The following ZMYND11 variants were observed in gnomAD, a reference collection of about 807,000 sequenced individuals.
ZMYND11 encodes zinc finger MYND domain-containing protein 11.
ZMYND11 carries 9 observed loss-of-function variants against 84.9 expected under a neutral mutation model. The ratio of observed to expected loss-of-function variants is 0.11; its 90% CI spans 0.06 to 0.18. The LOEUF (loss-of-function observed/expected upper bound fraction) is 0.18, where lower values mean the gene tolerates loss of function less well. Among genes scored for constraint, ZMYND11 ranks in the 10% least tolerant of loss-of-function variants. ZMYND11 has a pLI of 1.00. For synonymous variants in ZMYND11, 250 were observed against 244.1 expected, an observed-to-expected ratio of 1.02 and a Z score of -0.23; for missense variants, 409 against 761.0, an observed-to-expected ratio of 0.54 and a Z score of 5.44.
rs1953627687 is a variant in ZMYND11, at chr10:252,103, A to G, written c.1687-245A>G. Among the ~76,000 whole-genome samples the G allele has an allele frequency of 6.6e-6, 1 of 152,200 alleles. No homozygotes were observed. Among genetic ancestry groups the G allele is most frequent in the Non-Finnish European group, 1.5e-5 (1 of 68,042 alleles). On this transcript the variant is annotated intron_variant, in intron 14 of 14. Transcript: ENST00000381604. The surrounding 1 kb of genome is among the most constrained non-coding windows in gnomAD (Gnocchi z 4.6). ...AGAAACGGGAATGACTCTCACAGAG[A>G]TGGAAAAAACGGGAGGTGTCAGGTA...
intron 1 of ZMYND11, among the ~76,000 whole-genome samples, chr10:170,932 C>A (rs547144377): frequency 1.3e-5 from 2 of 152,132 alleles, no homozygotes; most frequent in South Asian, 2.1e-4. Context: ...CCAACAATAT[C>A]TTGACTGCCA....
intron 3 of ZMYND11, among the ~76,000 whole-genome samples, chr10:217,582 A>T (rs377161902): frequency 6.6e-5 from 10 of 152,198 alleles, no homozygotes; most frequent in African/African-American, 1.9e-4. Context: ...CTAGCAAAGA[A>T]ATGTGCACAC....
At chr10:184,263 C>T (rs1848474047) in intron 2 of ZMYND11, among the ~76,000 whole-genome samples, 1 of 152,058 alleles carries the variant, frequency 6.6e-6, no homozygotes, top group African/African-American at 2.4e-5. Context: ...CTTAAATATT[C>T]TATATACCAT....
chr10:159,345 G>A (rs1295546411), intron 1 of ZMYND11, among the ~76,000 whole-genome samples: 1 of 152,070 alleles, frequency 6.6e-6, no homozygotes, highest in East Asian at 1.9e-4. Flanking sequence ...GTGACATTTT[G>A]TGTTCCCACC....
At chr10:235,369 TCAAA>T (rs1453297910) in intron 4 of ZMYND11, among the ~76,000 whole-genome samples, 1 of 152,126 alleles carries the variant, frequency 6.6e-6, no homozygotes, top group Non-Finnish European at 1.5e-5. Flanking sequence ...CTGTTAGTTT[TCAAA>T]CAGAGAATTC....
intron 3 of ZMYND11, 57 bp from the exon 4 acceptor site, chr10:221,138 T>TA (rs766895239): frequency 4.8e-5 from 72 of 1,500,342 alleles, no homozygotes; most frequent in Non-Finnish European, 6.3e-5. Flanking sequence ...ATTTTGTTCT[T>TA]AGTCATTGCA....
chr10:179,160 A>G (rs1180828118), intron 1 of ZMYND11, among the ~76,000 whole-genome samples: 1 of 152,180 alleles, frequency 6.6e-6, no homozygotes, highest in African/African-American at 2.4e-5. Context: ...AACGCTTACC[A>G]GATTCCTACA....
chr10:249,213 G>A (rs1952817123), intron 14 of ZMYND11, 125 bp downstream of exon 14: 1 of 1,511,216 alleles, frequency 6.6e-7, no homozygotes, highest in Non-Finnish European at 8.8e-7. Flanking sequence ...AATGTGAAAT[G>A]GTCAGCTTTA....
chr10:239,848 C>T, intron 7 of ZMYND11: 1 of 558,374 alleles, frequency 1.8e-6, no homozygotes, highest in Non-Finnish European at 3.1e-6. Context: ...AAGGTAAGGT[C>T]ATTCTCTATA....
chr10:149,387 T>G (rs1274753625), intron 1 of ZMYND11, among the ~76,000 whole-genome samples: 1 of 151,586 alleles, frequency 6.6e-6, no homozygotes, highest in Non-Finnish European at 1.5e-5. Context: ...CTTGGCTCAC[T>G]GCAAGCTCCG....
rs376931420 is a variant in ZMYND11, at chr10:158,984, G to GTTTTTTTTTTTTTTTTTT, written c.-19-21004_-19-21003insTTTTTTTTTTTTTTTTTT. On this transcript the variant is annotated intron_variant, in intron 1 of 14. Transcript: ENST00000381604. ...AGATATATGATTTGCAGGGTTTTTTGTTTTTTGTTTTTTTTTTTTTTTTTA... is the reference window on the plus strand; with the variant it reads ...AGATATATGATTTGCAGGGTTTTTTGTTTTTTTTTTTTTTTTTTTTTTTTGTTTTTTTTTTTTTTTTTA... Among the ~76,000 whole-genome samples the GTTTTTTTTTTTTTTTTTT allele has an allele frequency of 5.0e-5, 2 of 40,024 alleles. 1 individual carries two copies. 26.3% of individuals were successfully genotyped at this position (40,024 alleles called of 152,430 possible). A position where few individuals can be genotyped will look rare whatever the true frequency, so the allele number is the denominator to read the frequency against.
intron 2 of ZMYND11, among the ~76,000 whole-genome samples, chr10:187,954 A>G (rs537803606): frequency 4.6e-5 from 7 of 152,296 alleles, no homozygotes; most frequent in Non-Finnish European, 7.3e-5. Flanking sequence ...AATGGAAACA[A>G]ATTAGTCATT....
intron 2 of ZMYND11, among the ~76,000 whole-genome samples, chr10:180,417 T>C (rs991732711): frequency 1.3e-5 from 2 of 152,236 alleles, no homozygotes; most frequent in Non-Finnish European, 2.9e-5. Context: ...TTATTTATTT[T>C]GAGACGGAGT....
chr10:153,915 A>G (rs891487154), intron 1 of ZMYND11, among the ~76,000 whole-genome samples: 13 of 152,182 alleles, frequency 8.5e-5, no homozygotes, highest in African/African-American at 2.7e-4. Context: ...CTTGCCTTCA[A>G]ATTTAACGGT....
intron 4 of ZMYND11, 50 bp downstream of exon 4, chr10:221,406 C>G: frequency 6.4e-7 from 1 of 1,565,010 alleles, no homozygotes; most frequent in African/African-American, 1.4e-5. Context: ...GGAATTAATT[C>G]ATAATAGCTT....
chr10:243,495 C>T (rs1391131297), intron 10 of ZMYND11, among the ~76,000 whole-genome samples: 1 of 152,148 alleles, frequency 6.6e-6, no homozygotes, highest in Non-Finnish European at 1.5e-5. Context: ...ATACTGTCTT[C>T]AACCATGAGT....
chr10:250,435 C>T (rs1307030253), intron 14 of ZMYND11, among the ~76,000 whole-genome samples: 1 of 152,184 alleles, frequency 6.6e-6, no homozygotes, highest in Non-Finnish European at 1.5e-5. Flanking sequence ...TGCAAGGTTG[C>T]AGAGAGGTGT....
At chr10:248,217 C>A in intron 12 of ZMYND11, 119 bp from the exon 13 acceptor site, 2 of 1,302,486 alleles carry the variant, frequency 1.5e-6, no homozygotes, top group Non-Finnish European at 2.1e-6. Flanking sequence ...CATTTTTCAA[C>A]AGCAGTTTAT....
chr10:165,112 A>G (rs1298210567), intron 1 of ZMYND11, among the ~76,000 whole-genome samples: 1 of 151,880 alleles, frequency 6.6e-6, no homozygotes, highest in Admixed American at 6.6e-5. Context: ...CAGTTTCTCC[A>G]CCTGCCACTT....
Sources: gnomAD v4.1 joint callset for allele counts (sites outside exome capture counted in the v4.1 genomes callset) on GRCh38, gnomAD v4.1.1 for gene constraint, Gnocchi (gnomAD v3.1) non-coding constraint, MANE v1.5 for transcripts, NCBI Gene and HGNC (gene_info 2026-07-23, HGNC 2026-07-21) for gene names.